The following NBPF12 variants were observed in gnomAD, a reference collection of about 807,000 sequenced individuals.
NBPF12 encodes NBPF family member NBPF12.
NBPF12 carries 115 observed loss-of-function variants against 146.4 expected under a neutral mutation model. The observed-to-expected ratio is 0.79, with a 90% CI of 0.68 to 0.92. The LOEUF is 0.92. NBPF12 is among the 40% of genes least tolerant of loss of function. The pLI is 0.00. For missense variants in NBPF12, 1,205 were observed against 1,326.8 expected, an observed-to-expected ratio of 0.91 and a Z score of 1.43; for synonymous variants, 385 against 508.9, an observed-to-expected ratio of 0.76 and a Z score of 3.28.
At chr1:146,939,752 C>T (rs1654712297) in intron 1 of NBPF12, among the ~76,000 whole-genome samples, 2 of 151,842 alleles carry the variant, frequency 1.3e-5, no homozygotes, top group South Asian at 2.1e-4. Context: ...AAGAGGCCGA[C>T]GCGGGCGGAT....
chr1:146,984,594 TG>T (rs1657618696), intron 21 of NBPF12, among the ~76,000 whole-genome samples: 1 of 129,350 alleles, frequency 7.7e-6, no homozygotes, highest in South Asian at 2.2e-4. Context: ...TGTGTGTGTG[TG>T]TGTGTGTGTG....
intron 6 of NBPF12, among the ~76,000 whole-genome samples, chr1:146,964,116 A>G (rs1303903217): frequency 2.1e-5 from 3 of 143,072 alleles, no homozygotes; most frequent in East Asian, 2.1e-4. Context: ...CTTCAGTGAT[A>G]TGGGAAGCAA....
chr1:146,944,089 AAGAG>A (rs1291436087), intron 2 of NBPF12, among the ~76,000 whole-genome samples: 20 of 116,412 alleles, frequency 1.7e-4, no homozygotes, highest in East Asian at 8.2e-4. Flanking sequence ...AATGGGTTAA[AAGAG>A]AGACCACTTT....
At position 146,958,017 on chromosome 1, in the gene NBPF12, ATAAT is replaced by A. The variant is rs1219809126; in HGVS notation, c.-183-1841_-183-1838del. Among the ~76,000 whole-genome samples the A allele has an allele frequency of 5.9e-5, 7 of 119,558 alleles. 1 individual carries two copies. Among genetic ancestry groups the A allele is most frequent in the African/African-American group, 1.1e-4 (4 of 35,152 alleles). The allele number at this position is 119,558 out of a possible 152,430, so 78.4% of individuals were successfully genotyped here. A position where few individuals can be genotyped will look rare whatever the true frequency, so the allele number is the denominator to read the frequency against. On this transcript the variant is annotated intron_variant, in intron 2 of 33. Transcript: ENST00000617844. ...TATATATATACATGTGTATATATAA[ATAAT>A]ACATATACACGTGTATATATATTAT... is the stretch of plus-strand genomic sequence containing the variant.
intron 19 of NBPF12, among the ~76,000 whole-genome samples, chr1:146,980,772 A>C (rs1435461860): frequency 6.8e-6 from 1 of 146,528 alleles, no homozygotes. Context: ...CAGCCATCCC[A>C]TTACTGGGTG....
chr1:146,967,434 G>A (rs1292558697), intron 9 of NBPF12, among the ~76,000 whole-genome samples: 16 of 150,472 alleles, frequency 1.1e-4, no homozygotes, highest in Admixed American at 7.9e-4. Flanking sequence ...CCAGGAGGCT[G>A]AGGTTGCAGT....
exon 34 of NBPF12, chr1:146,995,014 G>C (rs1658457866): frequency 4.3e-6 from 1 of 232,906 alleles, no homozygotes; most frequent in Non-Finnish European, 8.3e-6. Context: ...TGTTTTAGCT[G>C]ATCCATCTGT....
chr1:146,969,943 C>T (rs1176822568), intron 11 of NBPF12, among the ~76,000 whole-genome samples: 1 of 150,758 alleles, frequency 6.6e-6, no homozygotes, highest in African/African-American at 2.5e-5. Flanking sequence ...TTCTTTTTGG[C>T]AATGTTCTTA....
At chr1:146,971,243 C>A in exon 13 of NBPF12, 1 of 1,612,284 alleles carries the variant, frequency 6.2e-7, no homozygotes, top group Admixed American at 1.7e-5. Flanking sequence ...AATGTGCCAT[C>A]ACTTGTTCAA....
chr1:146,994,578 A>C, exon 34 of NBPF12: 2 of 1,608,840 alleles, frequency 1.2e-6, no homozygotes, highest in South Asian at 1.1e-5. Flanking sequence ...CACAATAAGC[A>C]GCCCTTACTA....
intron 4 of NBPF12, 81 bp from the exon 8 acceptor site, chr1:146,962,080 C>A (rs1177148067): frequency 1.1e-5 from 14 of 1,291,796 alleles, no homozygotes; most frequent in Middle Eastern, 5.2e-4. Flanking sequence ...TTGGGATGGA[C>A]CTGGCTCCTG....
rs1355012747 is a variant in NBPF12, at chr1:146,963,028, G to T, written c.279-67G>T. The stretch of plus-strand genomic sequence containing the variant: ...TGAGAACATTGTCTCAGAAATCTCT[G>T]TTGCAATATTTGAACGGATCACTCA... On this transcript the variant is annotated intron_variant, in intron 5 of 33. Coordinates refer to ENST00000617844, the Ensembl canonical transcript of NBPF12. 6.3e-6 allele frequency: 10 copies of T among 1,585,256 alleles called. No individual in the cohort carries two copies. The Admixed American group carries it at 1.7e-4, about 26-fold the overall frequency.
chr1:146,966,535 G>A, exon 9 of NBPF12: 3 of 1,475,112 alleles, frequency 2.0e-6, no homozygotes, highest in Non-Finnish European at 2.8e-6. Flanking sequence ...CAGCGAGAAG[G>A]CAGAGATGAA....
intron 25 of NBPF12, among the ~76,000 whole-genome samples, chr1:146,987,733 T>TTGTGTGTGTGTGTGTGTGTG (rs782154969): frequency 6.8e-6 from 1 of 146,126 alleles, no homozygotes; most frequent in African/African-American, 2.6e-5. Context: ...GTGTGTGTGT[T>TTGTGTGTGTGTGTGTGTGTG]TGTGTGTGTG....
chr1:146,974,090 CT>C (rs1656835325), intron 14 of NBPF12, among the ~76,000 whole-genome samples: 1 of 150,538 alleles, frequency 6.6e-6, no homozygotes, highest in Non-Finnish European at 1.5e-5. Context: ...TGTCAATCTC[CT>C]AGAACATTTA....
intron 19 of NBPF12, among the ~76,000 whole-genome samples, chr1:146,981,549 G>A (rs1403261614): frequency 2.0e-5 from 3 of 151,300 alleles, no homozygotes; most frequent in African/African-American, 4.9e-5. Context: ...TGCTCTTCTC[G>A]AGGAGTATCT....
intron 26 of NBPF12, among the ~76,000 whole-genome samples, chr1:146,988,420 CG>C (rs1657932368): frequency 1.0e-5 from 1 of 95,360 alleles, no homozygotes; most frequent in Admixed American, 1.1e-4. Flanking sequence ...GATTTTGACT[CG>C]AGGGTTTGTA....
rs1236412657 is a variant in NBPF12 at position 146,962,966 on chromosome 1, T to G, written c.279-129T>G. On this transcript the variant is annotated intron_variant, in intron 5 of 33. Coordinates refer to ENST00000617844, the Ensembl canonical transcript of NBPF12. ...TCTTTCTCTTGGCCACAGACATTCCTTTCAACATGTGCTGACCTTCTGCTT... is the reference window on the plus strand; with the variant it reads ...TCTTTCTCTTGGCCACAGACATTCCGTTCAACATGTGCTGACCTTCTGCTT... 2,231 of 664,268 alleles carry G rather than the reference T, an allele frequency of 3.4e-3. 58 individuals carry two copies. The African/African-American group carries it at 0.036, about 11-fold the overall frequency. The allele number at this position is 664,268 out of a possible 1,614,324, so 41.1% of individuals were successfully genotyped here.
chr1:146,967,181 G>A (rs1426668132), intron 9 of NBPF12, among the ~76,000 whole-genome samples: 1 of 150,392 alleles, frequency 6.6e-6, no homozygotes, highest in African/African-American at 2.5e-5. Flanking sequence ...AATAGAACCT[G>A]TGCTATCTAT....
Sources: gnomAD v4.1 joint callset for allele counts (sites outside exome capture counted in the v4.1 genomes callset) on GRCh38, gnomAD v4.1.1 for gene constraint, MANE v1.5 for transcripts, NCBI Gene and HGNC (gene_info 2026-07-23, HGNC 2026-07-21) for gene names.